Variants in RAB17 observed in about 807,000 individuals in gnomAD.
RAB17 encodes RAB17, member RAS oncogene family.
RAB17 carries 15 observed loss-of-function variants against 19.3 expected under a neutral mutation model. The observed-to-expected ratio is 0.78, with a 90% CI of 0.52 to 1.20. The LOEUF is 1.20. RAB17 is among the 50% of genes most tolerant of loss of function. RAB17 has a pLI of 0.00. For missense variants in RAB17, 262 were observed against 269.3 expected, an observed-to-expected ratio of 0.97 and a Z score of 0.19; for synonymous variants, 110 against 112.8, an observed-to-expected ratio of 0.97 and a Z score of 0.16.
intron 2 of RAB17, chr2:237,579,625 C>T (rs1574934349): frequency 1.3e-5 from 2 of 152,304 alleles, no homozygotes; most frequent in Admixed American, 1.3e-4. Context: ...TAATTAATTA[C>T]ATCTGCAAAG....
intron 2 of RAB17, among the ~76,000 whole-genome samples, chr2:237,582,056 G>C (rs997409302): frequency 5.9e-5 from 9 of 152,268 alleles, no homozygotes; most frequent in Non-Finnish European, 1.2e-4. Flanking sequence ...GCCCTGGCGG[G>C]GGTGGGCGGG....
In RAB17 at chr2:237,586,100, C is replaced by T; in HGVS notation, c.55G>A (p.Val19Met). The T allele has an allele frequency of 6.2e-7, 1 of 1,612,934 alleles. No individual in the cohort carries two copies. The highest frequency in any genetic ancestry group is 8.5e-7 in the Non-Finnish European group (1 of 1,179,486). Residue 19 changes from valine to methionine, a missense_variant, in exon 2 of 6, where the codon GTG (valine) becomes ATG (methionine). Transcript: ENST00000264601. ...CTTCCCAGGAGAACCAGCTTGAACA[C>T]ACGGGGCTGGCTGGGGGCAGCCCTG... is the stretch of plus-strand genomic sequence containing the variant. ...QPRAAPSQPR[V>M]FKLVLLGSGS...
intron 2 of RAB17, chr2:237,585,631 AG>A: frequency 5.5e-6 from 1 of 182,938 alleles, no homozygotes. Flanking sequence ...GGGAGAGGAC[AG>A]CTGGTTTAGG....
At chr2:237,575,569 A>C in intron 4 of RAB17, 89 bp from the exon 5 acceptor site, 1 of 1,024,416 alleles carries the variant, frequency 9.8e-7, no homozygotes, top group East Asian at 2.6e-5. Flanking sequence ...GATCCGAGAA[A>C]GCTGCAGCCG....
chr2:237,577,654 A>G, intron 3 of RAB17: 1 of 480,766 alleles, frequency 2.1e-6, no homozygotes, highest in Non-Finnish European at 3.7e-6. Context: ...GGGGTATTTC[A>G]GGTCAGGCCT....
Position 237,574,968 on chromosome 2 carries a change from C to T in RAB17, c.*51G>A. 1 of 1,376,992 alleles carries T rather than the reference C, an allele frequency of 7.3e-7. No individual in the cohort carries two copies. The highest frequency in any genetic ancestry group is 1.0e-6 in the Non-Finnish European group (1 of 1,003,950). The allele number at this position is 1,376,992 out of a possible 1,614,324, so 85.3% of individuals were successfully genotyped here. A position where few individuals can be genotyped will look rare whatever the true frequency, so the allele number is the denominator to read the frequency against. ...GAATCAGAATCCACCTAGAGCTGGC[C>T]ATGGCCCAGGCAGGGGGTGTCTTCC... On this transcript the variant is annotated 3_prime_UTR_variant, in exon 6 of 6. Transcript: ENST00000264601.
Position 237,586,173 on chromosome 2 carries a change from A to G in RAB17, c.-3-16T>C, listed in dbSNP as rs2081349383. ...GTGCCATGCCCTGCAAAGAATCACA[A>G]CCGTCTGAAGCAAGTGGAACATCGG... On this transcript the variant is annotated splice_polypyrimidine_tract_variant and intron_variant, in intron 1 of 5. Transcript: ENST00000264601. The G allele has an allele frequency of 1.3e-6, 2 of 1,568,212 alleles. No homozygotes were observed. Among genetic ancestry groups the G allele is most frequent in the Admixed American group, 1.9e-5 (1 of 51,382 alleles).
rs1213583036 is a variant in RAB17 at position 237,577,548 on chromosome 2, G to A, written c.310-166C>T. The A allele has an allele frequency of 9.1e-5, 67 of 738,378 alleles. No individual in the cohort carries two copies. In the East Asian group the frequency reaches 1.6e-3, roughly 17 times the overall value. The allele number at this position is 738,378 out of a possible 1,614,324, so 45.7% of individuals were successfully genotyped here. On this transcript the variant is annotated intron_variant, in intron 3 of 5. Coordinates refer to ENST00000264601, the MANE Select transcript of RAB17 (RefSeq NM_022449.4). ...TGCTCCGTTCCTCTGAGGAGGGCACGTTCCTGTCCTGGGTGACCTGTGCGG... is the reference window on the plus strand; with the variant it reads ...TGCTCCGTTCCTCTGAGGAGGGCACATTCCTGTCCTGGGTGACCTGTGCGG...
intron 2 of RAB17, 126 bp from the exon 3 acceptor site, chr2:237,578,281 C>G (rs192376400): frequency 3.4e-6 from 3 of 891,210 alleles, no homozygotes; most frequent in Non-Finnish European, 1.7e-6. Flanking sequence ...GCATCTCCCA[C>G]GCCCGCATGG....
chr2:237,588,577 G>A (rs986465492), intron 1 of RAB17, among the ~76,000 whole-genome samples: 126 of 152,260 alleles, frequency 8.3e-4, no homozygotes, highest in Admixed American at 3.1e-3. Context: ...TAGCGGGGGC[G>A]GGGTGAGGGA....
At position 237,575,423 on chromosome 2, in the gene RAB17, G is replaced by T. The variant is rs1453878944; in HGVS notation, c.493C>A (p.Leu165Met). 6.2e-7 allele frequency: 1 copy of T among 1,612,562 alleles called. No individual in the cohort carries two copies. The highest frequency in any genetic ancestry group is 8.5e-7 in the Non-Finnish European group (1 of 1,179,710). The part of the protein sequence containing the change: ...KLLFMETSAK[L>M]NHQVSEVFNT... ...AACACCTCCGACACCTGGTGGTTCA[G>T]TTTGGCCGAAGTTTCCATGAACAGC... is the stretch of plus-strand genomic sequence containing the variant. The change falls in exon 5 of 6, where the codon CTG becomes ATG. Residue 165 changes from leucine (L) to methionine (M), a missense_variant. Coordinates refer to ENST00000264601, the MANE Select transcript of RAB17 (RefSeq NM_022449.4).
intron 2 of RAB17, among the ~76,000 whole-genome samples, chr2:237,582,177 G>A (rs547392023): frequency 3.7e-4 from 57 of 152,366 alleles, no homozygotes; most frequent in African/African-American, 5.0e-4. Context: ...TTCAGGGCTC[G>A]AGTCCATGTC....
In RAB17 at chr2:237,575,146, A is replaced by T; in HGVS notation, c.530-18T>A. On this transcript the variant is annotated intron_variant, in intron 5 of 5. Transcript: ENST00000264601. ...CTCTTGGGCTGTGAACAGCAAGAGG[A>T]GGGGGCTGGCTAGGGAGGGAAGTCG... is the stretch of plus-strand genomic sequence containing the variant. 3 of 1,603,022 alleles carry T rather than the reference A, an allele frequency of 1.9e-6. No homozygotes were observed. The East Asian group carries it at 6.7e-5, about 36-fold the overall frequency.
Position 237,589,260 on chromosome 2 carries a change from A to G in RAB17, c.-4+1207T>C, listed in dbSNP as rs77545948. ...TTTTACTATAAACATACAAGTGTCAATATAAAAGAAGCAGCTACCCATAAC... is the reference window on the plus strand; with the variant it reads ...TTTTACTATAAACATACAAGTGTCAGTATAAAAGAAGCAGCTACCCATAAC... On this transcript the variant is annotated intron_variant, in intron 1 of 5. Transcript: ENST00000264601. Among the ~76,000 whole-genome samples, 36 of 152,262 alleles carry G rather than the reference A, an allele frequency of 2.4e-4. No individual in the cohort carries two copies. In the East Asian group the frequency reaches 6.4e-3, roughly 27 times the overall value.
At chr2:237,580,812 A>T (rs934540322) in intron 2 of RAB17, among the ~76,000 whole-genome samples, 5 of 152,202 alleles carry the variant, frequency 3.3e-5, no homozygotes, top group African/African-American at 1.2e-4. Context: ...CACTAATGTA[A>T]AATTCCAGCA....
At chr2:237,582,862 T>C (rs1442451092) in intron 2 of RAB17, among the ~76,000 whole-genome samples, 1 of 152,186 alleles carries the variant, frequency 6.6e-6, no homozygotes, top group Non-Finnish European at 1.5e-5. Flanking sequence ...TAACATACAC[T>C]TTGGGAGGCC....
At chr2:237,576,270 G>A (rs1012915604) in intron 4 of RAB17, among the ~76,000 whole-genome samples, 1 of 152,090 alleles carries the variant, frequency 6.6e-6, no homozygotes, top group Admixed American at 6.6e-5. Flanking sequence ...TCCCCACTGA[G>A]CTCCCCAGCC....
chr2:237,575,469 C>A lies in RAB17; in HGVS notation c.447G>T (p.Glu149Asp), dbSNP rs766383536. The A allele has an allele frequency of 1.9e-6, 3 of 1,610,598 alleles. No homozygotes were observed. Among genetic ancestry groups the A allele is most frequent in the Non-Finnish European group, 2.5e-6 (3 of 1,178,676 alleles). Reference sequence around the variant, plus strand: ...ACAGCAACTTCTGGCTGTCGGCAAACTCCTTCCCTTCCTGAAGGAAACAGC... The same window carrying A: ...ACAGCAACTTCTGGCTGTCGGCAAAATCCTTCCCTTCCTGAAGGAAACAGC... ...EREVTFQEGK[E>D]FADSQKLLFM... is the part of the protein sequence containing the mutation. Residue 149 changes from glutamate (E) to aspartate (D), a missense_variant, in exon 5 of 6, where the codon GAG becomes GAT. Coordinates refer to ENST00000264601, the MANE Select transcript of RAB17 (RefSeq NM_022449.4).
chr2:237,578,175 A>C lies in RAB17; in HGVS notation c.158-20T>G. On this transcript the variant is annotated intron_variant, in intron 2 of 5. Coordinates refer to ENST00000264601, the MANE Select transcript of RAB17 (RefSeq NM_022449.4). ...ACGCACCTGAAACAGGGAGGCCCAG[A>C]GGGCTTACTCAGAGGACGAGGTTGC... is the stretch of plus-strand genomic sequence containing the variant. 6.2e-7 allele frequency: 1 copy of C among 1,600,066 alleles called. No individual in the cohort carries two copies. Among genetic ancestry groups the C allele is most frequent in the Non-Finnish European group, 8.6e-7 (1 of 1,169,236 alleles).
Sources: allele counts gnomAD v4.1 joint callset (sites outside exome capture counted in the v4.1 genomes callset), GRCh38; gene constraint gnomAD v4.1.1; transcripts MANE v1.5; gene names NCBI Gene and HGNC (gene_info 2026-07-23, HGNC 2026-07-21).